Variants in ZZEF1 observed in about 807,000 individuals in gnomAD.
The protein encoded by ZZEF1 is zinc finger ZZ-type and EF-hand domain containing 1.
In ZZEF1, 157 loss-of-function variants were observed where a neutral mutation model predicts 342.8. That is an observed-to-expected ratio of 0.46 (90% confidence interval 0.40 to 0.52). The LOEUF (loss-of-function observed/expected upper bound fraction) is 0.52, where lower values mean the gene tolerates loss of function less well. ZZEF1 is among the 20% of genes least tolerant of loss of function. ZZEF1 has a pLI of 0.00. For missense variants in ZZEF1, 3,480 were observed against 3,725.6 expected, an observed-to-expected ratio of 0.93 and a Z score of 1.72; for synonymous variants, 1,505 against 1,429.1, an observed-to-expected ratio of 1.05 and a Z score of -1.20.
At chr17:4,026,804 G>T (rs1173903774) in intron 42 of ZZEF1, among the ~76,000 whole-genome samples, 1 of 152,022 alleles carries the variant, frequency 6.6e-6, no homozygotes, top group Non-Finnish European at 1.5e-5. Flanking sequence ...ACAGGTGTGA[G>T]CCACCACACC....
intron 17 of ZZEF1, among the ~76,000 whole-genome samples, chr17:4,081,724 G>A (rs1567824111): frequency 6.6e-6 from 1 of 152,168 alleles, no homozygotes; most frequent in Non-Finnish European, 1.5e-5. Context: ...GAGACCCTGA[G>A]GTAGAAGGCT....
chr17:4,064,581 T>A lies in ZZEF1; in HGVS notation c.4498A>T (p.Ser1500Cys). Residue 1500 changes from serine (S) to cysteine (C), a missense_variant, in exon 29 of 55, where the codon AGC becomes TGC. Physicochemically the swap from Ser to Cys is moderately radical, Grantham distance 112. Around this residue, in one of 5 missense-constraint regions of ZZEF1, gnomAD observed 1,528 missense variants for 1,624.1 expected, o/e 0.94. Coordinates refer to ENST00000381638, the MANE Select transcript of ZZEF1 (RefSeq NM_015113.4). The part of the protein sequence containing the change: ...GLGTQPKLPS[S>C]SGLPAADVSP... The stretch of plus-strand genomic sequence containing the variant: ...ACGTCTGCAGCAGGAAGGCCACTGC[T>A]GGATGGCAGCTTTGGCTGGGTGCCC... 6.2e-7 allele frequency: 1 copy of A among 1,614,134 alleles called. No homozygotes were observed. Among genetic ancestry groups the A allele is most frequent in the East Asian group, 2.2e-5 (1 of 44,878 alleles).
chr17:4,014,569 C>T lies in ZZEF1; in HGVS notation c.8146-54G>A. ...GTCGATGCTGCTCACTAGACACTGA[C>T]TGCAGCTGTCCCATGCCGAGTCCTG... On this transcript the variant is annotated intron_variant, in intron 49 of 54. Coordinates refer to ENST00000381638, the MANE Select transcript of ZZEF1 (RefSeq NM_015113.4). This position sits in a 1 kb window ranked among gnomAD's most constrained non-coding sequence, Gnocchi z 4.4. 1.9e-6 allele frequency: 3 copies of T among 1,584,600 alleles called. No homozygotes were observed. Among genetic ancestry groups the T allele is most frequent in the Non-Finnish European group, 2.6e-6 (3 of 1,156,148 alleles).
intron 35 of ZZEF1, among the ~76,000 whole-genome samples, chr17:4,051,378 G>T (rs2057042282): frequency 6.6e-6 from 1 of 152,156 alleles, no homozygotes. Context: ...GGGGTATAAA[G>T]TATGTAGGAA....
intron 42 of ZZEF1, among the ~76,000 whole-genome samples, chr17:4,031,435 A>T (rs2145047942): frequency 6.6e-6 from 1 of 152,350 alleles, no homozygotes; most frequent in East Asian, 1.9e-4. Context: ...ATAGACAGAT[A>T]CATGTGTGTC....
At chr17:4,023,660 A>C (rs893127478) in intron 43 of ZZEF1, among the ~76,000 whole-genome samples, 11 of 150,554 alleles carry the variant, frequency 7.3e-5, no homozygotes, top group African/African-American at 2.0e-4. Flanking sequence ...TCTCTCCAAA[A>C]AAAAAAAAAA....
chr17:4,046,375 A>C (rs1157684751), intron 37 of ZZEF1, among the ~76,000 whole-genome samples: 3 of 152,148 alleles, frequency 2.0e-5, no homozygotes, highest in Non-Finnish European at 2.9e-5. Flanking sequence ...CTATTGTCAC[A>C]CAGGCTTATG....
At chr17:4,098,781 C>A (rs2145422537) in intron 9 of ZZEF1, among the ~76,000 whole-genome samples, 1 of 152,228 alleles carries the variant, frequency 6.6e-6, no homozygotes, top group South Asian at 2.1e-4. Context: ...AAAATTAAAT[C>A]CAAAGGAAAC....
Position 4,069,304 on chromosome 17 carries a change from A to T in ZZEF1, c.4075+1380T>A, listed in dbSNP as rs189604512. On this transcript the variant is annotated intron_variant, in intron 26 of 54. Transcript: ENST00000381638. Reference sequence around the variant, plus strand: ...TATTGACATTCCCCCCGCCAAAACCATACAGGTTACATCACCCCCTCGATT... The same window carrying T: ...TATTGACATTCCCCCCGCCAAAACCTTACAGGTTACATCACCCCCTCGATT... Among the ~76,000 whole-genome samples the T allele has an allele frequency of 3.0e-3, 459 of 152,218 alleles. 2 individuals carry two copies. The highest frequency in any genetic ancestry group is 0.01 in the Middle Eastern group (3 of 294).
intron 26 of ZZEF1, among the ~76,000 whole-genome samples, 155 bp downstream of exon 26, chr17:4,070,529 T>C (rs766351696): frequency 6.6e-6 from 1 of 152,198 alleles, no homozygotes; most frequent in African/African-American, 2.4e-5. Context: ...TGGCCATGAA[T>C]CTTTTAATAG....
intron 39 of ZZEF1, among the ~76,000 whole-genome samples, chr17:4,039,623 A>G (rs2042079989): frequency 6.6e-6 from 1 of 151,424 alleles, no homozygotes; most frequent in African/African-American, 2.4e-5. Context: ...GATGCTGGGA[A>G]GGCACATAGA....
Position 4,102,441 on chromosome 17 carries a change from C to T in ZZEF1, c.1574-26G>A, listed in dbSNP as rs750385267. 3.1e-6 allele frequency: 5 copies of T among 1,598,926 alleles called. No individual in the cohort carries two copies. In the African/African-American group the frequency reaches 4.0e-5, roughly 13 times the overall value. On this transcript the variant is annotated intron_variant, in intron 8 of 54. Coordinates refer to ENST00000381638, the MANE Select transcript of ZZEF1 (RefSeq NM_015113.4). ...CTGACCAAAGAAAAGGAAGACCAAG[C>T]TGTAAGCTAAAATATGAAGAACTGG...
intron 1 of ZZEF1, among the ~76,000 whole-genome samples, chr17:4,130,447 T>C (rs7219165): frequency 0.15 from 23,552 of 152,060 alleles, 2,011 homozygotes; most frequent in African/African-American, 0.22. Context: ...AGTAAGACTC[T>C]GTCTCAAAAG....
At chr17:4,043,304 T>C (rs927568408) in intron 38 of ZZEF1, among the ~76,000 whole-genome samples, 1 of 152,242 alleles carries the variant, frequency 6.6e-6, no homozygotes, top group Non-Finnish European at 1.5e-5. Flanking sequence ...AAACTGCCTA[T>C]GAACCAGGAT....
chr17:4,032,215 T>C lies in ZZEF1; in HGVS notation c.6803A>G (p.Asn2268Ser), dbSNP rs765601349. Residue 2268 changes from asparagine (N) to serine (S), a missense_variant, in exon 42 of 55, where the codon AAT becomes AGT. Transcript: ENST00000381638. ...CAAGATGATCACATTATGGGGTTCA[T>C]TGGCATTATCCATATAAACGCAGCG... ...GTRCVYMDNA[N>S]EPHNVIILKH... 9.3e-6 allele frequency: 15 copies of C among 1,613,996 alleles called. No homozygotes were observed. The highest frequency in any genetic ancestry group is 5.5e-5 in the South Asian group (5 of 91,072).
intron 6 of ZZEF1, among the ~76,000 whole-genome samples, chr17:4,109,151 A>G (rs760174095): frequency 3.6e-4 from 55 of 152,210 alleles, no homozygotes; most frequent in Non-Finnish European, 3.4e-4. Context: ...AGAGCCCTCA[A>G]CTGATCCATT....
chr17:4,033,080 C>A, intron 40 of ZZEF1, 78 bp from the exon 41 acceptor site: 2 of 1,421,542 alleles, frequency 1.4e-6, no homozygotes, highest in Non-Finnish European at 1.9e-6. Flanking sequence ...CACTCCAAGG[C>A]AGACCCAGAA....
chr17:4,030,656 C>T (rs1202537506), intron 42 of ZZEF1, among the ~76,000 whole-genome samples: 8 of 152,316 alleles, frequency 5.3e-5, no homozygotes, highest in South Asian at 4.1e-4. Flanking sequence ...CATGCCACCA[C>T]GCCTGGCTAC....
In ZZEF1 at chr17:4,104,646, C is replaced by T. The variant is rs376608482; in HGVS notation, c.1560G>A (p.Leu520=). 6.8e-6 allele frequency: 11 copies of T among 1,613,620 alleles called. No homozygotes were observed. The African/African-American group carries it at 1.3e-4, about 20-fold the overall frequency. Residue 520 remains leucine (L), a synonymous_variant, in exon 8 of 55, where the codon CTG becomes CTA. Transcript: ENST00000381638. ...ILSMASVRQN[L]LLKYGKPLQL... ...TACCATATTTACCATATTTGAGGAG[C>T]AGGTTCTGTCTGACTGACGCCATGG...
Sources: gnomAD v4.1 joint callset for allele counts (sites outside exome capture counted in the v4.1 genomes callset) on GRCh38, gnomAD v4.1.1 for gene constraint, gnomAD v4.1.1 regional missense constraint, Gnocchi (gnomAD v3.1) non-coding constraint, MANE v1.5 for transcripts, NCBI Gene and HGNC (gene_info 2026-07-23, HGNC 2026-07-21) for gene names.